Variants in SEMA3E observed in about 807,000 individuals in gnomAD.
SEMA3E encodes the protein semaphorin-3E.
Under a neutral mutation model 93.6 loss-of-function variants are expected in SEMA3E, and 49 were observed. The observed-to-expected ratio is 0.52, with a 90% confidence interval of 0.42 to 0.66. SEMA3E has a LOEUF of 0.66. SEMA3E is among the 30% of genes least tolerant of loss of function. The pLI is 0.00. For missense variants in SEMA3E, 906 were observed against 964.8 expected, an observed-to-expected ratio of 0.94 and a Z score of 0.81; for synonymous variants, 363 against 330.7, an observed-to-expected ratio of 1.10 and a Z score of -1.06.
chr7:83,368,814 C>T (rs1251564246), intron 16 of SEMA3E, among the ~76,000 whole-genome samples: 4 of 152,054 alleles, frequency 2.6e-5, no homozygotes, highest in East Asian at 1.9e-4. Flanking sequence ...AGGCTTTCAA[C>T]GAATAGCTCA....
At position 83,466,588 on chromosome 7, in the gene SEMA3E, T is replaced by C. The variant is rs2115880835; in HGVS notation, c.350A>G (p.Asn117Ser). 6.2e-7 allele frequency: 1 copy of C among 1,613,568 alleles called. No homozygotes were observed. Among genetic ancestry groups the C allele is most frequent in the Non-Finnish European group, 8.5e-7 (1 of 1,179,984 alleles). ...MKGKDAGECA[N>S]YVRVLHHYNR... ...ATAGTGATGCAAAACCCGAACATAATTTGCACATTCACCCTAAAGCAGGAA... is the reference window on the plus strand; with the variant it reads ...ATAGTGATGCAAAACCCGAACATAACTTGCACATTCACCCTAAAGCAGGAA... The change falls in exon 4 of 17, where the codon AAT becomes AGT. Residue 117 changes from asparagine (N) to serine (S), a missense_variant. By Grantham distance (46) the Asn-to-Ser change is conservative. Transcript: ENST00000643230.
intron 11 of SEMA3E, among the ~76,000 whole-genome samples, chr7:83,399,824 G>A (rs572406680): frequency 6.6e-6 from 1 of 152,046 alleles, no homozygotes. Context: ...AATGAAAGTG[G>A]TAATATTCCC....
chr7:83,432,065 A>G (rs543219831), intron 4 of SEMA3E, among the ~76,000 whole-genome samples: 5 of 151,944 alleles, frequency 3.3e-5, no homozygotes, highest in African/African-American at 1.2e-4. Flanking sequence ...AGTGCAGTGC[A>G]GCCTTTGAAT....
intron 4 of SEMA3E, among the ~76,000 whole-genome samples, chr7:83,460,795 C>T (rs945371320): frequency 2.1e-4 from 31 of 151,090 alleles, no homozygotes; most frequent in South Asian, 6.3e-4. Flanking sequence ...CCCTTATTTC[C>T]GCACCCCGAC....
intron 2 of SEMA3E, 96 bp from the exon 3 acceptor site, chr7:83,469,398 C>CTTTTTTTTTTTTTTTTTTTTTTTTTTT (rs10650403): frequency 1.9e-6 from 1 of 530,596 alleles, no homozygotes; most frequent in African/African-American, 2.1e-5. Context: ...AAAACATTTC[C>CTTTTTTTTTTTTTTTTTTTTTTTTTTT]TTTTTTTTTT....
intron 1 of SEMA3E, among the ~76,000 whole-genome samples, chr7:83,623,794 T>C (rs1367642404): frequency 6.6e-6 from 1 of 152,088 alleles, no homozygotes; most frequent in African/African-American, 2.4e-5. Context: ...ATTACATAAG[T>C]ATATATGTGC....
intron 1 of SEMA3E, among the ~76,000 whole-genome samples, chr7:83,558,044 G>A (rs1446379084): frequency 2.0e-5 from 3 of 152,044 alleles, no homozygotes; most frequent in East Asian, 1.9e-4. Context: ...AACATTTGAG[G>A]ACCTTTTCCA....
In SEMA3E at chr7:83,588,877, G is replaced by T. The variant is rs184859714; in HGVS notation, c.115+59551C>A. Among the ~76,000 whole-genome samples, 11 of 152,124 alleles carry T rather than the reference G, an allele frequency of 7.2e-5. No homozygotes were observed. The East Asian group carries it at 2.1e-3, about 30-fold the overall frequency. On this transcript the variant is annotated intron_variant, in intron 1 of 16. Transcript: ENST00000643230. ...GGGCTACTTCTTGAAGCTCCTGGGG[G>T]ATCTTTCAGCTATAGCATGCTGCTC... is the stretch of plus-strand genomic sequence containing the variant.
chr7:83,425,170 A>G (rs1562776400), intron 4 of SEMA3E, among the ~76,000 whole-genome samples: 2 of 152,086 alleles, frequency 1.3e-5, no homozygotes, highest in African/African-American at 4.8e-5. Flanking sequence ...GAGCTATTGC[A>G]GAGGTGTCTG....
At chr7:83,422,727 G>T (rs1440060402) in intron 4 of SEMA3E, among the ~76,000 whole-genome samples, 1 of 152,126 alleles carries the variant, frequency 6.6e-6, no homozygotes, top group East Asian at 1.9e-4. Context: ...TATCTAATGG[G>T]TATAATTAGA....
intron 4 of SEMA3E, among the ~76,000 whole-genome samples, chr7:83,435,314 C>T (rs1788982571): frequency 6.6e-6 from 1 of 152,114 alleles, no homozygotes. Context: ...GAATTTTTGG[C>T]CTGGCACAGT....
At chr7:83,573,527 C>A (rs1032020039) in intron 1 of SEMA3E, among the ~76,000 whole-genome samples, 21 of 152,006 alleles carry the variant, frequency 1.4e-4, no homozygotes, top group African/African-American at 5.1e-4. Context: ...TTGTTTCTAT[C>A]ACTATTCTGA....
At chr7:83,554,901 C>T (rs1286939823) in intron 1 of SEMA3E, among the ~76,000 whole-genome samples, 1 of 151,788 alleles carries the variant, frequency 6.6e-6, no homozygotes, top group African/African-American at 2.4e-5. Context: ...GGCGTGAACC[C>T]GGGAGGCGGA....
At chr7:83,408,635 T>C (rs1006568763) in intron 5 of SEMA3E, 148 bp from the exon 6 acceptor site, 1 of 974,084 alleles carries the variant, frequency 1.0e-6, no homozygotes, top group African/African-American at 1.6e-5. Flanking sequence ...ATAGTAAGAC[T>C]CCCAGGGTTT....
intron 1 of SEMA3E, among the ~76,000 whole-genome samples, chr7:83,579,366 T>A (rs934909354): frequency 2.0e-5 from 3 of 152,110 alleles, no homozygotes; most frequent in Non-Finnish European, 4.4e-5. Flanking sequence ...AAAATTTCAA[T>A]CTATTTCAAA....
intron 4 of SEMA3E, among the ~76,000 whole-genome samples, chr7:83,445,753 G>A (rs138854901): frequency 6.6e-6 from 1 of 151,894 alleles, no homozygotes; most frequent in Admixed American, 6.6e-5. Flanking sequence ...AAAGAGTATA[G>A]GTGGAATAAA....
intron 4 of SEMA3E, among the ~76,000 whole-genome samples, chr7:83,457,373 GAAAT>G (rs1241763861): frequency 3.9e-5 from 6 of 152,118 alleles, no homozygotes; most frequent in African/African-American, 9.7e-5. Flanking sequence ...AATTAAAACA[GAAAT>G]AAATACTGGA....
intron 4 of SEMA3E, among the ~76,000 whole-genome samples, chr7:83,441,133 G>T (rs961493822): frequency 1.0e-3 from 156 of 152,276 alleles, no homozygotes; most frequent in African/African-American, 3.5e-3. Context: ...GATAGTCCTG[G>T]CAGGAGGAAT....
intron 9 of SEMA3E, among the ~76,000 whole-genome samples, chr7:83,405,075 T>C (rs1788301367): frequency 6.6e-6 from 1 of 152,016 alleles, no homozygotes; most frequent in African/African-American, 2.4e-5. Context: ...TGGAAAATTC[T>C]ATGTGATGAA....
Sources: allele counts gnomAD v4.1 joint callset (sites outside exome capture counted in the v4.1 genomes callset), GRCh38; gene constraint gnomAD v4.1.1; transcripts MANE v1.5; gene names NCBI Gene and HGNC (gene_info 2026-07-23, HGNC 2026-07-21).